KIAA0586: variants seen among roughly 807,000 people sequenced by gnomAD.
The protein encoded by KIAA0586 is protein TALPID3.
Under a neutral mutation model 169.8 loss-of-function variants are expected in KIAA0586, and 144 were observed. That is an observed-to-expected ratio of 0.85 (90% CI 0.74 to 0.97). The LOEUF is 0.97. KIAA0586 is among the 50% of genes least tolerant of loss of function. The pLI is 0.00. For synonymous variants in KIAA0586, 625 were observed against 612.4 expected, an observed-to-expected ratio of 1.02 and a Z score of -0.30; for missense variants, 1,854 against 1,823.0, an observed-to-expected ratio of 1.02 and a Z score of -0.31.
At chr14:58,537,384 T>G (rs922580523) in intron 29 of KIAA0586, among the ~76,000 whole-genome samples, 7 of 152,204 alleles carry the variant, frequency 4.6e-5, no homozygotes, top group African/African-American at 1.7e-4. Context: ...TCTGCTAAGA[T>G]CCTTGATCAA....
intron 25 of KIAA0586, among the ~76,000 whole-genome samples, chr14:58,490,495 A>T (rs898270015): frequency 3.3e-5 from 5 of 152,186 alleles, no homozygotes; most frequent in African/African-American, 9.6e-5. Flanking sequence ...AGGTAATGAA[A>T]TCTAGCTGAT....
At chr14:58,536,916 G>T (rs1366890518) in intron 29 of KIAA0586, 25 of 542,950 alleles carry the variant, frequency 4.6e-5, no homozygotes, top group Non-Finnish European at 5.4e-6. Context: ...AATTTCCATA[G>T]AAATGTTAAT....
chr14:58,456,720 G>C lies in KIAA0586; in HGVS notation c.1272G>C (p.Glu424Asp). Residue 424 changes from glutamate (E) to aspartate (D), a missense_variant, in exon 10 of 31, where the codon GAG (glutamate) becomes GAC (aspartate). Transcript: ENST00000652326. ...EKTNRFPSCE[E>D]LETTKVTMQK... Reference sequence around the variant, plus strand: ...CTCAAAGATTTCCTTCCTGTGAAGAGCTAGAAACAACTAAAGTGACTATGC... The same window carrying C: ...CTCAAAGATTTCCTTCCTGTGAAGACCTAGAAACAACTAAAGTGACTATGC... 2 of 1,600,034 alleles carry C rather than the reference G, an allele frequency of 1.2e-6. No homozygotes were observed. Among genetic ancestry groups the C allele is most frequent in the South Asian group, 2.3e-5 (2 of 88,680 alleles).
chr14:58,427,492 T>A, upstream of KIAA0586: 1 of 1,163,354 alleles, frequency 8.6e-7, no homozygotes, highest in South Asian at 1.4e-5. Context: ...AAGTCTTGGA[T>A]GAGACTGTAG....
Position 58,453,284 on chromosome 14 carries a change from G to A in KIAA0586, c.1130-66G>A, listed in dbSNP as rs116254056. The A allele has an allele frequency of 9.9e-4, 849 of 858,714 alleles. 7 individuals are homozygous for A. In the African/African-American group the frequency reaches 0.014, roughly 14 times the overall value. 53.2% of individuals were successfully genotyped at this position (858,714 alleles called of 1,614,324 possible). On this transcript the variant is annotated intron_variant, in intron 8 of 30. Coordinates refer to ENST00000652326, the MANE Select transcript of KIAA0586 (RefSeq NM_001329943.3). ...AACTTAGGCCAGAATACAAATATGT[G>A]AGATATTATATACAAGAGAAATGAA...
chr14:58,555,609 A>T (rs1347103509), downstream of KIAA0586, among the ~76,000 whole-genome samples: 1 of 152,020 alleles, frequency 6.6e-6, no homozygotes, highest in Non-Finnish European at 1.5e-5. Flanking sequence ...CCACTTCCTG[A>T]TCGAATTTTG....
Position 58,438,027 on chromosome 14 carries a change from G to C in KIAA0586, c.411-4679G>C, listed in dbSNP as rs77298162. Among the ~76,000 whole-genome samples, 413 of 152,294 alleles carry C rather than the reference G, an allele frequency of 2.7e-3. 13 individuals are homozygous for C. In the East Asian group the frequency reaches 0.074, roughly 27 times the overall value. On this transcript the variant is annotated intron_variant, in intron 4 of 30. Coordinates refer to ENST00000652326, the MANE Select transcript of KIAA0586 (RefSeq NM_001329943.3). ...TCCAAGTGTGATATGCTGCTCCGAG[G>C]TAATGGAAGCTAAGTACTGAAAAAT...
chr14:58,472,395 T>G, intron 18 of KIAA0586, 116 bp downstream of exon 18: 1 of 479,650 alleles, frequency 2.1e-6, no homozygotes, highest in Non-Finnish European at 3.6e-6. Context: ...TTTCTTTTAC[T>G]TTTGAGTTAA....
chr14:58,431,843 G>T (rs2037399550), intron 3 of KIAA0586, among the ~76,000 whole-genome samples: 1 of 152,032 alleles, frequency 6.6e-6, no homozygotes, highest in Non-Finnish European at 1.5e-5. Flanking sequence ...GTTGTAAATG[G>T]CATTGAGTTC....
chr14:58,472,358 A>T (rs975397804), intron 18 of KIAA0586, 79 bp downstream of exon 18: 1 of 689,624 alleles, frequency 1.5e-6, no homozygotes, highest in Non-Finnish European at 2.3e-6. Flanking sequence ...TGGACTATCA[A>T]TATTATGTTA....
chr14:58,483,538 C>T (rs2042176473), intron 21 of KIAA0586, among the ~76,000 whole-genome samples: 1 of 152,006 alleles, frequency 6.6e-6, no homozygotes, highest in South Asian at 2.1e-4. Context: ...TTTAGATTTC[C>T]TTAATTGTTT....
At chr14:58,429,544 C>A (rs1595057024) in intron 2 of KIAA0586, 111 bp downstream of exon 2, 3 of 722,788 alleles carry the variant, frequency 4.2e-6, no homozygotes, top group South Asian at 1.6e-5. Flanking sequence ...ATTTAAATAT[C>A]ACTTACCAAA....
chr14:58,459,209 GT>G (rs1239878213), intron 12 of KIAA0586, among the ~76,000 whole-genome samples: 1 of 152,072 alleles, frequency 6.6e-6, no homozygotes, highest in Non-Finnish European at 1.5e-5. Flanking sequence ...CATCAGTACT[GT>G]TTCCATAGCA....
chr14:58,435,635 A>G (rs926531958), intron 4 of KIAA0586, among the ~76,000 whole-genome samples: 2 of 152,140 alleles, frequency 1.3e-5, no homozygotes, highest in Non-Finnish European at 2.9e-5. Context: ...CCCCCCTTCC[A>G]TACCCATTTT....
chr14:58,442,758 G>A lies in KIAA0586; in HGVS notation c.463G>A (p.Ala155Thr), dbSNP rs1337109140. ...AGTAAAGGTACATCTGTTAGAAGAT[G>A]CAGGCATAGAGAAGGATGCTGTTAC... ...KEVKVHLLED[A>T]GIEKDAVTQE... is the part of the protein sequence containing the mutation. Residue 155 changes from alanine (A) to threonine (T), a missense_variant, in exon 5 of 31, where the codon GCA becomes ACA. By Grantham distance (58) the Ala-to-Thr change is moderately conservative (BLOSUM62 0). Coordinates refer to ENST00000652326, the MANE Select transcript of KIAA0586 (RefSeq NM_001329943.3). 2 of 1,595,410 alleles carry A rather than the reference G, an allele frequency of 1.3e-6. No homozygotes were observed. Among genetic ancestry groups the A allele is most frequent in the African/African-American group, 1.3e-5 (1 of 74,690 alleles).
In KIAA0586 at chr14:58,469,426, C is replaced by T. The variant is rs543677018; in HGVS notation, c.2443-1187C>T. On this transcript the variant is annotated intron_variant, in intron 16 of 30. Transcript: ENST00000652326. The stretch of plus-strand genomic sequence containing the variant: ...CAGTCTTTGGGCATCCTTCTGACAG[C>T]GTAGGCCCACTAACCCAGTGGTGCA... Among the ~76,000 whole-genome samples the T allele has an allele frequency of 3.3e-5, 5 of 152,310 alleles. No individual in the cohort carries two copies. In the South Asian group the frequency reaches 8.3e-4, roughly 25 times the overall value.
Position 58,430,649 on chromosome 14 carries a change from A to G in KIAA0586, c.272A>G (p.Asp91Gly), listed in dbSNP as rs777299156. Residue 91 changes from aspartate (D) to glycine (G), a missense_variant and splice_region_variant, in exon 3 of 31, where the codon GAT (aspartate) becomes GGT (glycine). Physicochemically the swap from Asp to Gly is moderately conservative, Grantham distance 94 (BLOSUM62 -1). Coordinates refer to ENST00000652326, the MANE Select transcript of KIAA0586 (RefSeq NM_001329943.3). ...ATTTCTTCCTTTCATATCCCAAAGG[A>G]TTTTTCTAAAGACGTTGCAGTGCAA... is the stretch of plus-strand genomic sequence containing the variant. Reference protein sequence around the residue: ...LLENPMVSESDFSKDVAVQVL... With the variant: ...LLENPMVSESGFSKDVAVQVL... 2.8e-5 allele frequency: 44 copies of G among 1,588,936 alleles called. No individual in the cohort carries two copies. The highest frequency in any genetic ancestry group is 3.4e-5 in the Non-Finnish European group (40 of 1,164,634).
chr14:58,454,091 G>C (rs1314427376), intron 9 of KIAA0586, among the ~76,000 whole-genome samples: 1 of 152,046 alleles, frequency 6.6e-6, no homozygotes, highest in Non-Finnish European at 1.5e-5. Flanking sequence ...TATGCCTTAG[G>C]TCTTAGTTCA....
In KIAA0586 at chr14:58,432,425, G is replaced by A; in HGVS notation, c.378G>A (p.Gln126=). ...DIFISQYTMG[Q]KDALRTVLKQ... ...TCATTTCTCAGTATACAATGGGACA[G>A]AAAGATGCTCTAAGAACAGTTTTAA... is the stretch of plus-strand genomic sequence containing the variant. The change falls in exon 4 of 31, where the codon CAG becomes CAA. Residue 126 remains glutamine (Q), a synonymous_variant. Coordinates refer to ENST00000652326, the MANE Select transcript of KIAA0586 (RefSeq NM_001329943.3). 12 of 1,571,160 alleles carry A rather than the reference G, an allele frequency of 7.6e-6. No homozygotes were observed. The highest frequency in any genetic ancestry group is 1.0e-5 in the Non-Finnish European group (12 of 1,159,528).
Sources: allele counts gnomAD v4.1 joint callset (sites outside exome capture counted in the v4.1 genomes callset), GRCh38; gene constraint gnomAD v4.1.1; transcripts MANE v1.5; gene names NCBI Gene and HGNC (gene_info 2026-07-23, HGNC 2026-07-21).